The following SMYD3 variants were observed in gnomAD, a reference collection of about 807,000 sequenced individuals.
The protein encoded by SMYD3 is SET and MYND domain containing 3, also known as histone-lysine N-methyltransferase SMYD3.
In SMYD3, 36 loss-of-function variants were observed where a neutral mutation model predicts 57.7. The ratio of observed to expected loss-of-function variants is 0.62; its 90% CI spans 0.48 to 0.82. The LOEUF (loss-of-function observed/expected upper bound fraction) is 0.82. Ranked by LOEUF, SMYD3 falls within the 40% of genes least tolerant of loss-of-function variation. SMYD3 has a pLI of 0.00. For missense variants in SMYD3, 515 were observed against 538.8 expected (o/e 0.96, Z 0.44); for synonymous variants, 211 against 195.0 (o/e 1.08, Z -0.68).
intron 5 of SMYD3, among the ~76,000 whole-genome samples, chr1:245,970,480 G>A (rs972707022): frequency 1.3e-5 from 2 of 152,130 alleles, no homozygotes; most frequent in African/African-American, 4.8e-5. Flanking sequence ...TTAAACTAAA[G>A]AGCTTCTGCA....
At chr1:246,190,781 T>C (rs749987694) in intron 5 of SMYD3, among the ~76,000 whole-genome samples, 8 of 152,144 alleles carry the variant, frequency 5.3e-5, no homozygotes, top group South Asian at 2.1e-4. Flanking sequence ...TTTCACCTTG[T>C]TCTCCAGCTA....
At chr1:245,811,147 C>A (rs1164994947) in intron 10 of SMYD3, among the ~76,000 whole-genome samples, 1 of 152,202 alleles carries the variant, frequency 6.6e-6, no homozygotes, top group Non-Finnish European at 1.5e-5. Flanking sequence ...ATTCCTGTGG[C>A]CTTTCCAGTT....
chr1:246,197,787 A>G (rs1298111596), intron 5 of SMYD3, among the ~76,000 whole-genome samples: 1 of 152,198 alleles, frequency 6.6e-6, no homozygotes, highest in African/African-American at 2.4e-5. Flanking sequence ...ATAAGGTGTC[A>G]ATAGGGAAAA....
intron 10 of SMYD3, among the ~76,000 whole-genome samples, chr1:245,807,377 A>G (rs750876910): frequency 9.2e-5 from 14 of 152,330 alleles, no homozygotes; most frequent in Middle Eastern, 3.4e-3. Context: ...GAGAGGAAGA[A>G]GAAGAGAGAA....
At chr1:245,813,860 CTATATATATATA>C (rs6143718) in intron 10 of SMYD3, among the ~76,000 whole-genome samples, 26 of 146,960 alleles carry the variant, frequency 1.8e-4, no homozygotes, top group African/African-American at 6.6e-4. Context: ...TCATGGAGCC[CTATATATATATA>C]TATATATATA....
chr1:246,169,570 A>G (rs1353403756), intron 5 of SMYD3, among the ~76,000 whole-genome samples: 1 of 152,024 alleles, frequency 6.6e-6, no homozygotes, highest in Non-Finnish European at 1.5e-5. Flanking sequence ...CAGGCAGAAT[A>G]ACAATGGATA....
chr1:245,758,923 A>T (rs140648226), intron 11 of SMYD3, among the ~76,000 whole-genome samples: 1 of 152,166 alleles, frequency 6.6e-6, no homozygotes, highest in Non-Finnish European at 1.5e-5. Flanking sequence ...TGAGACTCTG[A>T]ATTTTACCTC....
Position 246,348,267 on chromosome 1 carries a change from T to G in SMYD3, c.228+6764A>C, listed in dbSNP as rs186466406. On this transcript the variant is annotated intron_variant, in intron 2 of 11. Coordinates refer to ENST00000490107, the MANE Select transcript of SMYD3 (RefSeq NM_001167740.2). ...CCTGTCTCTACTAAAAATACAAAAA[T>G]TAGCCAGACATGGTGGCAGGTGCCT... Among the ~76,000 whole-genome samples the G allele has an allele frequency of 3.2e-3, 490 of 151,360 alleles. 7 individuals carry two copies. Among genetic ancestry groups the G allele is most frequent in the African/African-American group, 0.011 (461 of 41,286 alleles).
chr1:246,283,961 G>T, intron 5 of SMYD3, among the ~76,000 whole-genome samples: 1 of 152,162 alleles, frequency 6.6e-6, no homozygotes, highest in East Asian at 1.9e-4. Context: ...ATTAATATTT[G>T]ACTAAAATAG....
chr1:245,793,185 T>A (rs1213463813), intron 10 of SMYD3, among the ~76,000 whole-genome samples: 1 of 150,688 alleles, frequency 6.6e-6, no homozygotes, highest in Non-Finnish European at 1.5e-5. Flanking sequence ...GGCGGGTGCC[T>A]GTAGTCCCAG....
At chr1:245,779,976 C>A (rs1047936148) in intron 10 of SMYD3, among the ~76,000 whole-genome samples, 6 of 152,148 alleles carry the variant, frequency 3.9e-5, no homozygotes, top group African/African-American at 1.4e-4. Flanking sequence ...CAGTGTAGTA[C>A]CACCTCACAC....
intron 8 of SMYD3, among the ~76,000 whole-genome samples, chr1:245,906,379 T>C (rs569368177): frequency 6.6e-6 from 1 of 152,292 alleles, no homozygotes; most frequent in South Asian, 2.1e-4. Context: ...ACACATGGCA[T>C]ACAGACATAT....
chr1:245,967,764 C>T (rs765975792), intron 5 of SMYD3, among the ~76,000 whole-genome samples: 1 of 152,130 alleles, frequency 6.6e-6, no homozygotes, highest in East Asian at 1.9e-4. Flanking sequence ...AGAGGGATAA[C>T]GGCAGAGCAT....
intron 1 of SMYD3, among the ~76,000 whole-genome samples, chr1:246,389,976 C>T (rs995379168): frequency 1.3e-5 from 2 of 152,104 alleles, no homozygotes; most frequent in Non-Finnish European, 1.5e-5. Context: ...AGTATCTTTG[C>T]TACCAGAAGG....
chr1:246,491,042 AG>A (rs1378584318), intron 1 of SMYD3, among the ~76,000 whole-genome samples: 2 of 152,236 alleles, frequency 1.3e-5, no homozygotes, highest in Non-Finnish European at 2.9e-5. Context: ...AAGAAAACAA[AG>A]TTCAGAGCTG....
intron 5 of SMYD3, among the ~76,000 whole-genome samples, chr1:245,958,217 C>G (rs193210354): frequency 6.6e-6 from 1 of 152,290 alleles, no homozygotes; most frequent in African/African-American, 2.4e-5. Flanking sequence ...TTCTGATCCT[C>G]ATGTTCCAAA....
At chr1:246,456,692 C>T (rs185094365) in intron 1 of SMYD3, among the ~76,000 whole-genome samples, 3 of 152,236 alleles carry the variant, frequency 2.0e-5, no homozygotes, top group East Asian at 1.9e-4. Flanking sequence ...TTTTAATATG[C>T]GAAGAACCCA....
intron 5 of SMYD3, among the ~76,000 whole-genome samples, chr1:246,179,833 T>A (rs1215392512): frequency 6.6e-6 from 1 of 152,198 alleles, no homozygotes; most frequent in Non-Finnish European, 1.5e-5. Flanking sequence ...ACAGTCTCTT[T>A]CTAAGTGAAG....
rs1272685700 is a variant in SMYD3 at position 245,858,422 on chromosome 1, AC to A, written c.1076+73del. The A allele has an allele frequency of 3.5e-6, 5 of 1,430,762 alleles. No homozygotes were observed. In the African/African-American group the frequency reaches 4.3e-5, roughly 12 times the overall value. The allele number at this position is 1,430,762 out of a possible 1,614,324, so 88.6% of individuals were successfully genotyped here. ...TCCATGCAAAGTAGTAATCAGAATG[AC>A]TTCACAACATGGATCCTTTGCCCAA... On this transcript the variant is annotated intron_variant, in intron 10 of 11. Coordinates refer to ENST00000490107, the MANE Select transcript of SMYD3 (RefSeq NM_001167740.2).
Sources: gnomAD v4.1 joint callset for allele counts (sites outside exome capture counted in the v4.1 genomes callset) on GRCh38, gnomAD v4.1.1 for gene constraint, MANE v1.5 for transcripts, NCBI Gene and HGNC (gene_info 2026-07-23, HGNC 2026-07-21) for gene names.